Variants in PLXDC2 observed in about 807,000 individuals in gnomAD.
PLXDC2 encodes the protein plexin domain containing 2, also known as plexin domain-containing protein 2.
PLXDC2 carries 40 observed loss-of-function variants against 68.9 expected under a neutral mutation model. The ratio of observed to expected loss-of-function variants is 0.58; its 90% CI spans 0.45 to 0.76. The LOEUF is 0.76. Among genes scored for constraint, PLXDC2 ranks in the 30% least tolerant of loss-of-function variants. The pLI is 0.00. For synonymous variants in PLXDC2, 243 were observed against 234.2 expected, an observed-to-expected ratio of 1.04 and a Z score of -0.34; for missense variants, 644 against 661.9, an observed-to-expected ratio of 0.97 and a Z score of 0.30.
chr10:20,190,576 C>T (rs891944853), intron 9 of PLXDC2, among the ~76,000 whole-genome samples: 44 of 143,772 alleles, frequency 3.1e-4, no homozygotes, highest in African/African-American at 1.1e-3. Context: ...TGCACATGTA[C>T]CCTAGAACTT....
chr10:20,038,799 C>T (rs1205974230), intron 2 of PLXDC2, among the ~76,000 whole-genome samples: 1 of 152,054 alleles, frequency 6.6e-6, no homozygotes, highest in African/African-American at 2.4e-5. Flanking sequence ...CTGTCCACAC[C>T]TCACTCCCTA....
At chr10:20,236,124 GA>G (rs1209260071) in intron 12 of PLXDC2, among the ~76,000 whole-genome samples, 1 of 152,082 alleles carries the variant, frequency 6.6e-6, no homozygotes, top group African/African-American at 2.4e-5. Context: ...TAGAAGCCGA[GA>G]CACATTTTAT....
chr10:19,850,569 G>C (rs1000577114), intron 1 of PLXDC2, among the ~76,000 whole-genome samples: 1 of 152,056 alleles, frequency 6.6e-6, no homozygotes, highest in African/African-American at 2.4e-5. Flanking sequence ...CCAACTAATC[G>C]TCTAATTGGT....
At chr10:20,065,204 G>T (rs944881906) in intron 3 of PLXDC2, among the ~76,000 whole-genome samples, 1 of 152,218 alleles carries the variant, frequency 6.6e-6, no homozygotes, top group Admixed American at 6.5e-5. Flanking sequence ...GATGTCATGT[G>T]TATGTACCAC....
chr10:20,234,877 A>G (rs1363591716), intron 12 of PLXDC2, among the ~76,000 whole-genome samples: 1 of 152,088 alleles, frequency 6.6e-6, no homozygotes, highest in African/African-American at 2.4e-5. Flanking sequence ...GAATATCTCC[A>G]GCAACTAAAT....
intron 9 of PLXDC2, among the ~76,000 whole-genome samples, chr10:20,191,914 A>G (rs922329559): frequency 6.6e-6 from 1 of 152,060 alleles, no homozygotes; most frequent in Non-Finnish European, 1.5e-5. Flanking sequence ...GATGCTTAAA[A>G]TATTTATAAT....
At chr10:20,009,798 C>T (rs1835081060) in intron 2 of PLXDC2, among the ~76,000 whole-genome samples, 1 of 150,464 alleles carries the variant, frequency 6.6e-6, no homozygotes, top group African/African-American at 2.5e-5. Context: ...TTGTGTACGA[C>T]ACTAAGGTGT....
chr10:20,021,753 G>T (rs1020510938), intron 2 of PLXDC2, among the ~76,000 whole-genome samples: 1 of 151,776 alleles, frequency 6.6e-6, no homozygotes, highest in Non-Finnish European at 1.5e-5. Context: ...AGGCTGGAGT[G>T]CAGTGGCGTG....
At chr10:19,918,227 A>G (rs1833402108) in intron 1 of PLXDC2, among the ~76,000 whole-genome samples, 1 of 152,190 alleles carries the variant, frequency 6.6e-6, no homozygotes, top group Admixed American at 6.5e-5. Context: ...AGAGAGACCA[A>G]GAGATCTGTG....
At chr10:20,167,941 C>T (rs1289639850) in intron 7 of PLXDC2, among the ~76,000 whole-genome samples, 1 of 152,046 alleles carries the variant, frequency 6.6e-6, no homozygotes, top group Non-Finnish European at 1.5e-5. Context: ...ACTTGTTTTT[C>T]AGTTTTTGAA....
At chr10:20,064,372 C>A (rs774242784) in intron 3 of PLXDC2, among the ~76,000 whole-genome samples, 17 of 151,982 alleles carry the variant, frequency 1.1e-4, no homozygotes, top group African/African-American at 4.1e-4. Flanking sequence ...AGGCGCCCAC[C>A]ACCACGCCCA....
intron 1 of PLXDC2, among the ~76,000 whole-genome samples, chr10:19,984,607 C>T (rs910883267): frequency 9.9e-5 from 15 of 152,124 alleles, no homozygotes; most frequent in Admixed American, 9.2e-4. Flanking sequence ...GACTAGAGTT[C>T]AAGGCAAATA....
At chr10:19,879,378 T>C (rs1837688395) in intron 1 of PLXDC2, among the ~76,000 whole-genome samples, 1 of 152,192 alleles carries the variant, frequency 6.6e-6, no homozygotes, top group Non-Finnish European at 1.5e-5. Flanking sequence ...ATTATTCATC[T>C]AGAATGATGT....
At chr10:20,232,396 A>G (rs1270761575) in intron 12 of PLXDC2, among the ~76,000 whole-genome samples, 3 of 152,174 alleles carry the variant, frequency 2.0e-5, no homozygotes, top group Admixed American at 1.3e-4. Context: ...ACACACACAC[A>G]CACGCACACA....
At chr10:20,230,000 T>A (rs935850333) in intron 12 of PLXDC2, among the ~76,000 whole-genome samples, 3 of 152,140 alleles carry the variant, frequency 2.0e-5, no homozygotes, top group African/African-American at 7.2e-5. Context: ...AATATTTGTT[T>A]AACCTGAAAA....
chr10:19,908,928 G>C (rs969455118), intron 1 of PLXDC2, among the ~76,000 whole-genome samples: 1 of 152,104 alleles, frequency 6.6e-6, no homozygotes, highest in African/African-American at 2.4e-5. Flanking sequence ...ATTATCCTTA[G>C]TTTTGAGTTT....
At chr10:19,829,935 T>A (rs1244387516) in intron 1 of PLXDC2, among the ~76,000 whole-genome samples, 1 of 152,210 alleles carries the variant, frequency 6.6e-6, no homozygotes, top group Non-Finnish European at 1.5e-5. Flanking sequence ...AGTTTTAAAT[T>A]TCTGAGCTTT....
At chr10:20,198,787 T>G (rs902452427) in intron 9 of PLXDC2, among the ~76,000 whole-genome samples, 21 of 152,154 alleles carry the variant, frequency 1.4e-4, no homozygotes, top group Non-Finnish European at 2.8e-4. Flanking sequence ...GATTTATCAT[T>G]TTACTTTGCA....
At chr10:20,173,756 T>G (rs1834481461) in intron 7 of PLXDC2, among the ~76,000 whole-genome samples, 1 of 152,202 alleles carries the variant, frequency 6.6e-6, no homozygotes, top group Admixed American at 6.5e-5. Flanking sequence ...ATGAGCGAAA[T>G]ATATTTTTGG....
Sources: gnomAD v4.1 joint callset for allele counts (sites outside exome capture counted in the v4.1 genomes callset) on GRCh38, gnomAD v4.1.1 for gene constraint, MANE v1.5 for transcripts, NCBI Gene and HGNC (gene_info 2026-07-23, HGNC 2026-07-21) for gene names.